Variants in PRDX2 observed in about 807,000 individuals in gnomAD.
PRDX2 encodes peroxiredoxin 2.
In PRDX2, 10 loss-of-function variants were observed where a neutral mutation model predicts 19.8. The ratio of observed to expected loss-of-function variants is 0.50; its 90% CI spans 0.31 to 0.86. The LOEUF (loss-of-function observed/expected upper bound fraction) is 0.86, where lower values mean the gene tolerates loss of function less well. PRDX2 is among the 40% of genes least tolerant of loss of function. PRDX2 has a pLI of 0.04. For synonymous variants in PRDX2, 118 were observed against 108.2 expected, an observed-to-expected ratio of 1.09 and a Z score of -0.56; for missense variants, 226 against 260.1, an observed-to-expected ratio of 0.87 and a Z score of 0.90.
At position 12,799,871 on chromosome 19, in the gene PRDX2, C is replaced by T. The variant is rs371619416; in HGVS notation, c.499G>A (p.Glu167Lys). Reference protein sequence around the residue: ...RLVQAFQYTDEHGEVCPAGWK... With the variant: ...RLVQAFQYTDKHGEVCPAGWK... ...TGTATCTGCTCACCTTCCCCATGCT[C>T]GTCTGTGTACTGGAAGGCCTGGACC... The change falls in exon 5 of 6, where the codon GAG (glutamate) becomes AAG (lysine). Residue 167 changes from glutamate to lysine, a missense_variant. Transcript: ENST00000301522. 40 of 1,612,536 alleles carry T rather than the reference C, an allele frequency of 2.5e-5. No homozygotes were observed. The highest frequency in any genetic ancestry group is 6.7e-5 in the African/African-American group (5 of 74,980).
At chr19:12,797,951 C>T (rs1968822188) in intron 5 of PRDX2, among the ~76,000 whole-genome samples, 1 of 152,154 alleles carries the variant, frequency 6.6e-6, no homozygotes, top group African/African-American at 2.4e-5. Flanking sequence ...TGAGCCACTA[C>T]ACCTGGCCAA....
Position 12,801,077 on chromosome 19 carries a change from G to A in PRDX2, c.104-8C>T. On this transcript the variant is annotated splice_polypyrimidine_tract_variant and splice_region_variant and intron_variant, in intron 2 of 5. Coordinates refer to ENST00000301522, the MANE Select transcript of PRDX2 (RefSeq NM_005809.6). ...AGAGGACCACGTACTTCCCTGGGGA[G>A]GAGGGACACAGAGGAGTTAGGGCCC... 1 of 1,611,826 alleles carries A rather than the reference G, an allele frequency of 6.2e-7. No individual in the cohort carries two copies. The highest frequency in any genetic ancestry group is 8.5e-7 in the Non-Finnish European group (1 of 1,178,410).
At chr19:12,800,123 C>T in intron 4 of PRDX2, 54 bp downstream of exon 4, 3 of 1,604,328 alleles carry the variant, frequency 1.9e-6, no homozygotes, top group Middle Eastern at 1.7e-4. Flanking sequence ...GTCCCAGCAT[C>T]ACAGGAATGG....
At chr19:12,800,360 C>A in intron 3 of PRDX2, 61 bp from the exon 4 acceptor site, 1 of 1,570,378 alleles carries the variant, frequency 6.4e-7, no homozygotes, top group Non-Finnish European at 8.7e-7. Flanking sequence ...GGTCCTCACC[C>A]TGTGGGCCCA....
chr19:12,800,438 CA>C lies in PRDX2; in HGVS notation c.258-140del, dbSNP rs35372151. 9.7e-3 allele frequency: 11,265 copies of C among 1,166,622 alleles called. 86 individuals carry two copies. The highest frequency in any genetic ancestry group is 0.012 in the Non-Finnish European group (9,942 of 830,212). 72.3% of individuals were successfully genotyped at this position (1,166,622 alleles called of 1,614,324 possible). On this transcript the variant is annotated intron_variant, in intron 3 of 5. Coordinates refer to ENST00000301522, the MANE Select transcript of PRDX2 (RefSeq NM_005809.6). ...AGGCCGCTGGGAGCCTCACCCACCC[CA>C]CCCTGGGTTGGGTGCAAGGACTGTA...
At chr19:12,799,207 T>G (rs536417540) in intron 5 of PRDX2, among the ~76,000 whole-genome samples, 1 of 150,266 alleles carries the variant, frequency 6.7e-6, no homozygotes, top group Admixed American at 6.6e-5. Context: ...CCTGTTTGTT[T>G]GTTTTTTTGA....
intron 4 of PRDX2, 52 bp from the exon 5 acceptor site, chr19:12,800,041 A>G (rs1429321117): frequency 1.9e-6 from 3 of 1,606,990 alleles, no homozygotes; most frequent in African/African-American, 2.7e-5. Flanking sequence ...ACTGCCAGAG[A>G]CAAGGAAGGG....
intron 1 of PRDX2, 26 bp downstream of exon 1, chr19:12,801,714 G>A (rs931395509): frequency 3.3e-6 from 1 of 298,994 alleles, no homozygotes; most frequent in Non-Finnish European, 6.2e-6. Context: ...GGGTCCTCCC[G>A]CCAGGTGCAC....
rs112697174 is a variant in PRDX2 at position 12,797,158 on chromosome 19, C to T, written c.520G>A (p.Ala174Thr). ...GTGTCACTGCCAGGCTTCCAGCCAG[C>T]GGGACAAACTGTGGGAAGACACAAG... Reference protein sequence around the residue: ...YTDEHGEVCPAGWKPGSDTIK... With the variant: ...YTDEHGEVCPTGWKPGSDTIK... Residue 174 changes from alanine to threonine, a missense_variant, in exon 6 of 6, where the codon GCT becomes ACT. Coordinates refer to ENST00000301522, the MANE Select transcript of PRDX2 (RefSeq NM_005809.6). 1 of 1,613,850 alleles carries T rather than the reference C, an allele frequency of 6.2e-7. No individual in the cohort carries two copies. Among genetic ancestry groups the T allele is most frequent in the Non-Finnish European group, 8.5e-7 (1 of 1,179,836 alleles).
In PRDX2 at chr19:12,801,284, CCGGT is replaced by C. The variant is rs781242759; in HGVS notation, c.-9-18_-9-15del. On this transcript the variant is annotated splice_polypyrimidine_tract_variant and intron_variant, in intron 1 of 5. Coordinates refer to ENST00000301522, the MANE Select transcript of PRDX2 (RefSeq NM_005809.6). The stretch of plus-strand genomic sequence containing the variant: ...CATGACTGAAAGCTGAGACCCCCGC[CCGGT>C]CAGTGCGCCCGGGAAGACACTTTGT... 1 of 1,597,582 alleles carries C rather than the reference CCGGT, an allele frequency of 6.3e-7. No individual in the cohort carries two copies.
intron 2 of PRDX2, 40 bp from the exon 3 acceptor site, chr19:12,801,109 T>A: frequency 6.2e-7 from 1 of 1,613,090 alleles, no homozygotes; most frequent in Non-Finnish European, 8.5e-7. Flanking sequence ...GCCCAGCTTC[T>A]CTCATGCACG....
chr19:12,800,836 G>A (rs1968881092), intron 3 of PRDX2, 80 bp downstream of exon 3: 1 of 1,554,182 alleles, frequency 6.4e-7, no homozygotes, highest in Non-Finnish European at 8.7e-7. Flanking sequence ...CAGAGGTTGA[G>A]CAATGGCCAC....
At position 12,799,975 on chromosome 19, in the gene PRDX2, A is replaced by T; in HGVS notation, c.395T>A (p.Ile132Asn). Residue 132 changes from isoleucine (I) to asparagine (N), a missense_variant, in exon 5 of 6, where the codon ATC becomes AAC. Ile to Asn is a moderately radical substitution (Grantham distance 149). Coordinates refer to ENST00000301522, the MANE Select transcript of PRDX2 (RefSeq NM_005809.6). The stretch of plus-strand genomic sequence containing the variant: ...CTGGCGAAGGACACCCTTGCCATCG[A>T]TGATAAAGAGGCCCCTGAAGACATC... ...EGIAYRGLFI[I>N]DGKGVLRQIT... 1 of 1,613,948 alleles carries T rather than the reference A, an allele frequency of 6.2e-7. No individual in the cohort carries two copies. Among genetic ancestry groups the T allele is most frequent in the African/African-American group, 1.3e-5 (1 of 75,024 alleles).
Position 12,800,278 on chromosome 19 carries a change from C to T in PRDX2, c.279G>A (p.Glu93=), listed in dbSNP as rs1391099226. Reference sequence around the variant, plus strand: ...GGATGTTCAGGGGGCCCAAGCCTCCCTCTTTCCGGGGGGTGTTGATCCTGG... The same window carrying T: ...GGATGTTCAGGGGGCCCAAGCCTCCTTCTTTCCGGGGGGTGTTGATCCTGG... ...HLAWINTPRK[E]GGLGPLNIPL... Residue 93 remains glutamate (E), a synonymous_variant, in exon 4 of 6, where the codon GAG becomes GAA. Transcript: ENST00000301522. 1.9e-6 allele frequency: 3 copies of T among 1,613,064 alleles called. No homozygotes were observed. Among genetic ancestry groups the T allele is most frequent in the Middle Eastern group, 3.3e-4 (2 of 6,084 alleles).
chr19:12,800,900 T>C lies in PRDX2; in HGVS notation c.257+16A>G, dbSNP rs1968882418. On this transcript the variant is annotated intron_variant, in intron 3 of 5. Coordinates refer to ENST00000301522, the MANE Select transcript of PRDX2 (RefSeq NM_005809.6). ...TGAGCTTAGCTGCAACCTCCCTCTT[T>C]GGCCCCTGCTCATACCAAGCCAGGT... is the stretch of plus-strand genomic sequence containing the variant. The C allele has an allele frequency of 3.1e-6, 5 of 1,597,718 alleles. No individual in the cohort carries two copies. The highest frequency in any genetic ancestry group is 4.3e-6 in the Non-Finnish European group (5 of 1,172,338).
chr19:12,798,578 C>T (rs567681649), intron 5 of PRDX2, among the ~76,000 whole-genome samples: 29 of 150,958 alleles, frequency 1.9e-4, no homozygotes, highest in African/African-American at 6.3e-4. Context: ...CTCGAACTCC[C>T]GACCTCAGGT....
At chr19:12,799,261 G>A (rs536504810) in intron 5 of PRDX2, among the ~76,000 whole-genome samples, 17 of 151,946 alleles carry the variant, frequency 1.1e-4, no homozygotes, top group Non-Finnish European at 2.1e-4. Context: ...GCAGTGGTGC[G>A]ATCACAGCTT....
At position 12,799,856 on chromosome 19, in the gene PRDX2, C is replaced by A; in HGVS notation, c.511+3G>T. On this transcript the variant is annotated splice_donor_region_variant and intron_variant, in intron 5 of 5. Transcript: ENST00000301522. Reference sequence around the variant, plus strand: ...CCCATGTGTCATGTGTGTATCTGCTCACCTTCCCCATGCTCGTCTGTGTAC... The same window carrying A: ...CCCATGTGTCATGTGTGTATCTGCTAACCTTCCCCATGCTCGTCTGTGTAC... 2 of 1,611,754 alleles carry A rather than the reference C, an allele frequency of 1.2e-6. No individual in the cohort carries two copies. The highest frequency in any genetic ancestry group is 2.2e-5 in the South Asian group (2 of 90,930).
chr19:12,800,020 T>C (rs1446426639), intron 4 of PRDX2, 31 bp from the exon 5 acceptor site: 2 of 1,610,628 alleles, frequency 1.2e-6, no homozygotes, highest in Non-Finnish European at 1.7e-6. Flanking sequence ...AGTGAGGAGC[T>C]GATAGCTCCC....
Sources: gnomAD v4.1 joint callset for allele counts (sites outside exome capture counted in the v4.1 genomes callset) on GRCh38, gnomAD v4.1.1 for gene constraint, MANE v1.5 for transcripts, NCBI Gene and HGNC (gene_info 2026-07-23, HGNC 2026-07-21) for gene names.